SESN3: variants seen among roughly 807,000 people sequenced by gnomAD.
The protein encoded by SESN3 is sestrin 3, also known as sestrin-3.
SESN3 carries 21 observed loss-of-function variants against 55.3 expected under a neutral mutation model. The observed-to-expected ratio is 0.38, with a 90% CI of 0.27 to 0.55. The LOEUF (loss-of-function observed/expected upper bound fraction) is 0.55. SESN3 is among the 20% of genes least tolerant of loss of function. The pLI is 0.76. For missense variants in SESN3, 408 were observed against 604.3 expected (o/e 0.68, Z 3.41); for synonymous variants, 181 against 203.1 (o/e 0.89, Z 0.93).
chr11:95,204,607 TA>T (rs1031172177), intron 1 of SESN3, among the ~76,000 whole-genome samples: 26 of 152,080 alleles, frequency 1.7e-4, no homozygotes, highest in African/African-American at 6.0e-4. Context: ...GTGCCCTTTA[TA>T]AAAGAGACCC....
chr11:95,198,605 T>G (rs1860406312), intron 1 of SESN3, among the ~76,000 whole-genome samples: 1 of 152,212 alleles, frequency 6.6e-6, no homozygotes, highest in Non-Finnish European at 1.5e-5. Flanking sequence ...TAATAAATCT[T>G]ATTTATTTCT....
At chr11:95,182,740 G>A (rs527549657) in intron 6 of SESN3, among the ~76,000 whole-genome samples, 13 of 152,270 alleles carry the variant, frequency 8.5e-5, no homozygotes, top group African/African-American at 3.1e-4. Flanking sequence ...TTACAGTAGG[G>A]ACTCTACCTA....
chr11:95,230,920 G>A lies in SESN3; in HGVS notation c.-60C>T, dbSNP rs1279533422. ...GGGCCGGGTCCGGGCTGTCACTGCGGCCACTGCAGGGCCGGTCCGTCCCCC... is the reference window on the plus strand; with the variant it reads ...GGGCCGGGTCCGGGCTGTCACTGCGACCACTGCAGGGCCGGTCCGTCCCCC... On this transcript the variant is annotated 5_prime_UTR_variant, in exon 1 of 10. Transcript: ENST00000536441. This position sits in a 1 kb window ranked among gnomAD's most constrained non-coding sequence, Gnocchi z 4.6. 12 of 1,188,654 alleles carry A rather than the reference G, an allele frequency of 1.0e-5. No homozygotes were observed. Among genetic ancestry groups the A allele is most frequent in the Non-Finnish European group, 1.1e-6 (1 of 877,846 alleles). 73.6% of individuals were successfully genotyped at this position (1,188,654 alleles called of 1,614,324 possible).
Position 95,228,406 on chromosome 11 carries a change from C to A in SESN3, c.78+2377G>T, listed in dbSNP as rs540256243. ...TTCTTCCATTATGAATTAGACTGAACAAACATTCAAAATACTATGACTCAC... is the reference window on the plus strand; with the variant it reads ...TTCTTCCATTATGAATTAGACTGAAAAAACATTCAAAATACTATGACTCAC... On this transcript the variant is annotated intron_variant, in intron 1 of 9. Transcript: ENST00000536441. Among the ~76,000 whole-genome samples the A allele has an allele frequency of 3.9e-5, 6 of 152,250 alleles. No individual in the cohort carries two copies. In the East Asian group the frequency reaches 1.2e-3, roughly 29 times the overall value.
chr11:95,200,074 T>C (rs1459663734), intron 1 of SESN3, among the ~76,000 whole-genome samples: 1 of 152,034 alleles, frequency 6.6e-6, no homozygotes, highest in Non-Finnish European at 1.5e-5. Context: ...CCAATTGAAA[T>C]GGTCTATACA....
At chr11:95,187,290 G>T (rs997756094) in intron 4 of SESN3, among the ~76,000 whole-genome samples, 15 of 151,906 alleles carry the variant, frequency 9.9e-5, no homozygotes, top group African/African-American at 2.9e-4. Context: ...CTGCCAAAGA[G>T]CTTTCCAAAA....
chr11:95,226,808 G>A (rs1860955595), intron 1 of SESN3, among the ~76,000 whole-genome samples: 1 of 152,112 alleles, frequency 6.6e-6, no homozygotes, highest in Admixed American at 6.5e-5. Context: ...CATATTTGGG[G>A]GTACCCATAT....
chr11:95,214,447 T>C (rs866822076), intron 1 of SESN3, among the ~76,000 whole-genome samples: 2 of 152,184 alleles, frequency 1.3e-5, no homozygotes, highest in African/African-American at 4.8e-5. Context: ...CAATCTTTGC[T>C]TTTCAAAGAG....
At chr11:95,197,445 CTTT>C (rs5793719) in intron 1 of SESN3, among the ~76,000 whole-genome samples, 7 of 136,340 alleles carry the variant, frequency 5.1e-5, no homozygotes, top group Non-Finnish European at 6.4e-5. Flanking sequence ...CTTTTCTTTT[CTTT>C]TTTTTTTTTT....
chr11:95,222,192 T>C (rs1174602887), intron 1 of SESN3, among the ~76,000 whole-genome samples: 1 of 152,168 alleles, frequency 6.6e-6, no homozygotes, highest in Non-Finnish European at 1.5e-5. Context: ...TTTACATTTC[T>C]GAGAAAGGCC....
rs1192384054 is a variant in SESN3 at position 95,166,780 on chromosome 11, GT to G, written c.*6474del. On this transcript the variant is annotated 3_prime_UTR_variant, in exon 10 of 10. Transcript: ENST00000536441. ...CTGAGAAGATGCCAAACTGGCTGTG[GT>G]TTGCTTTCTATGTCTCTTATTTTGG... 3.3e-5 allele frequency: 5 copies of G among 152,292 alleles called. 1 individual carries two copies. In the East Asian group the frequency reaches 9.6e-4, roughly 29 times the overall value. The allele number at this position is 152,292 out of a possible 1,614,324, so 9.4% of individuals were successfully genotyped here.
chr11:95,192,347 T>C (rs1860284867), intron 2 of SESN3, among the ~76,000 whole-genome samples: 1 of 152,112 alleles, frequency 6.6e-6, no homozygotes, highest in Admixed American at 6.6e-5. Context: ...AAGAGTTTAT[T>C]AGCACCTTGT....
chr11:95,195,877 C>T (rs1321447817), intron 1 of SESN3, among the ~76,000 whole-genome samples: 1 of 152,168 alleles, frequency 6.6e-6, no homozygotes, highest in Non-Finnish European at 1.5e-5. Context: ...ACTTAACTCA[C>T]TAATTTCAAA....
At chr11:95,218,054 C>T (rs1312007744) in intron 1 of SESN3, among the ~76,000 whole-genome samples, 1 of 152,192 alleles carries the variant, frequency 6.6e-6, no homozygotes, top group Non-Finnish European at 1.5e-5. Context: ...ACCTTTGTCC[C>T]CTCTGGAGTA....
intron 1 of SESN3, among the ~76,000 whole-genome samples, chr11:95,197,034 G>C (rs1251520669): frequency 6.6e-6 from 1 of 152,140 alleles, no homozygotes; most frequent in East Asian, 1.9e-4. Context: ...AAGGACCCTT[G>C]TCTCAATTTC....
Position 95,173,228 on chromosome 11 carries a change from T to C in SESN3, c.*27A>G, listed in dbSNP as rs369821373. On this transcript the variant is annotated 3_prime_UTR_variant, in exon 10 of 10. Transcript: ENST00000536441. ...ATCTTATGTGAAAGGTCTTTACACA[T>C]GTATGACATTTTCCTTGGGTGATAC... 9 of 1,394,966 alleles carry C rather than the reference T, an allele frequency of 6.5e-6. No individual in the cohort carries two copies. The African/African-American group carries it at 8.4e-5, about 13-fold the overall frequency. 86.4% of individuals were successfully genotyped at this position (1,394,966 alleles called of 1,614,324 possible). A position where few individuals can be genotyped will look rare whatever the true frequency, so the allele number is the denominator to read the frequency against.
intron 1 of SESN3, among the ~76,000 whole-genome samples, chr11:95,227,473 G>A (rs1312821359): frequency 6.6e-6 from 1 of 151,802 alleles, no homozygotes; most frequent in Non-Finnish European, 1.5e-5. Context: ...CAAAGTGCTG[G>A]GATTACAGGC....
At chr11:95,188,768 C>T (rs1319399553) in intron 4 of SESN3, among the ~76,000 whole-genome samples, 3 of 151,812 alleles carry the variant, frequency 2.0e-5, no homozygotes, top group Non-Finnish European at 4.4e-5. Context: ...ATTGTCATTA[C>T]CCTGTTCTTC....
chr11:95,215,301 C>G (rs1351580244), intron 1 of SESN3, among the ~76,000 whole-genome samples: 1 of 151,916 alleles, frequency 6.6e-6, no homozygotes, highest in Non-Finnish European at 1.5e-5. Flanking sequence ...CCAGTTGATA[C>G]TGATGCTGCT....
Sources: gnomAD v4.1 joint callset for allele counts (sites outside exome capture counted in the v4.1 genomes callset) on GRCh38, gnomAD v4.1.1 for gene constraint, Gnocchi (gnomAD v3.1) non-coding constraint, MANE v1.5 for transcripts, NCBI Gene and HGNC (gene_info 2026-07-23, HGNC 2026-07-21) for gene names.